Variants in WDR93 observed in about 807,000 individuals in gnomAD.
WDR93 encodes WD repeat domain 93.
WDR93 carries 73 observed loss-of-function variants against 82.9 expected under a neutral mutation model. That is an observed-to-expected ratio of 0.88 (90% CI 0.73 to 1.07). WDR93 has a LOEUF of 1.07. Ranked by LOEUF, WDR93 falls within the 50% of genes least tolerant of loss-of-function variation. The probability of loss-of-function intolerance (pLI) is 0.00; values close to 1 mark genes in which losing one functional copy is unlikely to be tolerated. For synonymous variants in WDR93, 283 were observed against 300.1 expected, an observed-to-expected ratio of 0.94 and a Z score of 0.59; for missense variants, 738 against 826.0, an observed-to-expected ratio of 0.89 and a Z score of 1.31.
At chr15:89,716,630 A>G (rs979865500) in intron 6 of WDR93, among the ~76,000 whole-genome samples, 3 of 152,228 alleles carry the variant, frequency 2.0e-5, no homozygotes, top group Non-Finnish European at 2.9e-5. Flanking sequence ...GATTCTTGTA[A>G]TGGTGTTCTG....
chr15:89,690,959 G>A, intron 1 of WDR93, 102 bp downstream of exon 1: 1 of 231,348 alleles, frequency 4.3e-6, no homozygotes, highest in East Asian at 1.0e-4. Flanking sequence ...GAGGGGGTCC[G>A]TCTCCCCAGA....
chr15:89,739,091 G>T (rs932516564), intron 16 of WDR93, among the ~76,000 whole-genome samples: 1 of 150,220 alleles, frequency 6.7e-6, no homozygotes, highest in African/African-American at 2.5e-5. Flanking sequence ...ACTCCAGCCT[G>T]GGTGACAGAG....
At chr15:89,727,501 G>C (rs985626225) in intron 9 of WDR93, among the ~76,000 whole-genome samples, 173 bp downstream of exon 9, 2 of 152,152 alleles carry the variant, frequency 1.3e-5, no homozygotes, top group Non-Finnish European at 2.9e-5. Context: ...CGAGGCAGGA[G>C]GATCATTTGA....
At chr15:89,707,750 A>T (rs1965787659) in intron 4 of WDR93, among the ~76,000 whole-genome samples, 1 of 152,236 alleles carries the variant, frequency 6.6e-6, no homozygotes, top group Admixed American at 6.5e-5. Flanking sequence ...TCAAAAGTTA[A>T]ACATGTACTT....
rs1967836587 is a variant in WDR93, at chr15:89,743,478, C to G, written c.*87C>G. 3 of 1,277,560 alleles carry G rather than the reference C, an allele frequency of 2.3e-6. No individual in the cohort carries two copies. Among genetic ancestry groups the G allele is most frequent in the East Asian group, 4.8e-5 (2 of 41,934 alleles). 79.1% of individuals were successfully genotyped at this position (1,277,560 alleles called of 1,614,324 possible). ...GACACTGAGGCCAAGAGAAATGTAA[C>G]AGAGCCACAGCTCCACAGGCCTGCA... is the stretch of plus-strand genomic sequence containing the variant. On this transcript the variant is annotated 3_prime_UTR_variant, in exon 17 of 17. Transcript: ENST00000268130.
chr15:89,736,877 T>G (rs373207715), intron 14 of WDR93, among the ~76,000 whole-genome samples: 3 of 151,492 alleles, frequency 2.0e-5, no homozygotes, highest in Admixed American at 1.3e-4. Flanking sequence ...CTGCAAGCTC[T>G]GCCTCCCGGG....
At chr15:89,739,961 T>TTGATTCTGACACTACCA (rs1157551413) in intron 16 of WDR93, among the ~76,000 whole-genome samples, 2 of 152,188 alleles carry the variant, frequency 1.3e-5, no homozygotes, top group African/African-American at 2.4e-5. Flanking sequence ...AGACCTGAGT[T>TTGATTCTGACACTACCA]TGATTCTGAC....
Position 89,743,378 on chromosome 15 carries a change from A to C in WDR93, c.2048A>C (p.Asn683Thr). ...TACTCCTTGTCGCTCCAGAGAGAGA[A>C]CTTCAAGAAGTGAGGCTGCCACCGC... The part of the protein sequence containing the change: ...QRYSLSLQRE[N>T]FKK Residue 683 changes from asparagine (N) to threonine (T), a missense_variant, in exon 17 of 17, where the codon AAC becomes ACC. Transcript: ENST00000268130. 6.2e-7 allele frequency: 1 copy of C among 1,614,126 alleles called. No individual in the cohort carries two copies.
At chr15:89,704,474 T>C (rs888768045) in intron 3 of WDR93, 17 of 152,168 alleles carry the variant, frequency 1.1e-4, no homozygotes, top group African/African-American at 2.7e-4. Context: ...GCTTAAAAAA[T>C]GAAAGGAATG....
At chr15:89,735,636 G>T in intron 14 of WDR93, 83 bp downstream of exon 14, 1 of 1,418,084 alleles carries the variant, frequency 7.1e-7, no homozygotes. Context: ...TTTAGAAAAT[G>T]CTTATTGAAG....
Position 89,703,009 on chromosome 15 carries a change from C to T in WDR93, c.363C>T (p.Ala121=), listed in dbSNP as rs1353333598. The T allele has an allele frequency of 6.2e-7, 1 of 1,613,978 alleles. No homozygotes were observed. Among genetic ancestry groups the T allele is most frequent in the Non-Finnish European group, 8.5e-7 (1 of 1,180,020 alleles). ...AAGACTATGTGTTTATTGGAGGAGC[C>T]AAAGGATTCTCAATTTATAATCTGT... The part of the protein sequence containing the change: ...VSQDYVFIGG[A]KGFSIYNLYS... The change falls in exon 3 of 17, where the codon GCC becomes GCT. Residue 121 remains alanine (A), a synonymous_variant. Transcript: ENST00000268130.
At chr15:89,699,056 C>T (rs1048557376) in intron 1 of WDR93, among the ~76,000 whole-genome samples, 4 of 151,874 alleles carry the variant, frequency 2.6e-5, no homozygotes, top group African/African-American at 9.7e-5. Flanking sequence ...GAATAAAGGT[C>T]TCCTTTTGTT....
At chr15:89,731,419 G>C (rs769698986) in intron 11 of WDR93, 24 bp from the exon 12 acceptor site, 3 of 1,613,762 alleles carry the variant, frequency 1.9e-6, no homozygotes, top group Non-Finnish European at 2.5e-6. Flanking sequence ...GGGGGAACCG[G>C]TTGAGTATTG....
intron 14 of WDR93, among the ~76,000 whole-genome samples, chr15:89,736,958 A>AT (rs943053571): frequency 2.6e-5 from 4 of 152,090 alleles, no homozygotes; most frequent in Admixed American, 6.5e-5. Context: ...CGCCAGGCTA[A>AT]TTTTTTGTAT....
intron 16 of WDR93, among the ~76,000 whole-genome samples, chr15:89,742,636 C>T (rs1468360556): frequency 1.3e-5 from 2 of 152,074 alleles, no homozygotes; most frequent in Non-Finnish European, 2.9e-5. Context: ...CAGATTCAAG[C>T]GATTCTCCTG....
At chr15:89,740,129 A>G (rs1174772848) in intron 16 of WDR93, among the ~76,000 whole-genome samples, 3 of 152,180 alleles carry the variant, frequency 2.0e-5, no homozygotes, top group African/African-American at 4.8e-5. Flanking sequence ...TGATACATGG[A>G]AAGTACCAGG....
Position 89,741,118 on chromosome 15 carries a change from C to T in WDR93, c.1962-2174C>T, listed in dbSNP as rs192100547. The stretch of plus-strand genomic sequence containing the variant: ...TCATGCCATTGCACTCCAGCCTGGG[C>T]GACAGAGCAAGAATCTGTCTCAAAA... On this transcript the variant is annotated intron_variant, in intron 16 of 16. Transcript: ENST00000268130. Among the ~76,000 whole-genome samples, 37 of 151,602 alleles carry T rather than the reference C, an allele frequency of 2.4e-4. No individual in the cohort carries two copies. In the South Asian group the frequency reaches 2.5e-3, roughly 10 times the overall value.
intron 14 of WDR93, among the ~76,000 whole-genome samples, chr15:89,736,129 T>C (rs1323759589): frequency 6.6e-6 from 1 of 152,136 alleles, no homozygotes; most frequent in African/African-American, 2.4e-5. Flanking sequence ...GGTCAGAGAA[T>C]GGGAACAGCA....
intron 8 of WDR93, 66 bp downstream of exon 8, chr15:89,722,205 GTCTTA>G (rs1966556396): frequency 8.1e-7 from 1 of 1,240,900 alleles, no homozygotes; most frequent in Non-Finnish European, 1.1e-6. Context: ...CTTTCCCCAT[GTCTTA>G]TCTTTTCAAC....
Sources: allele counts gnomAD v4.1 joint callset (sites outside exome capture counted in the v4.1 genomes callset), GRCh38; gene constraint gnomAD v4.1.1; transcripts MANE v1.5; gene names NCBI Gene and HGNC (gene_info 2026-07-23, HGNC 2026-07-21).